The following SLC35F3 variants were observed in gnomAD, a reference collection of about 807,000 sequenced individuals.
SLC35F3 encodes solute carrier family 35 member F3.
Under a neutral mutation model 49.9 loss-of-function variants are expected in SLC35F3, and 25 were observed. The ratio of observed to expected loss-of-function variants is 0.50; its 90% confidence interval spans 0.37 to 0.70. The LOEUF (loss-of-function observed/expected upper bound fraction) is 0.70. Among genes scored for constraint, SLC35F3 ranks in the 30% least tolerant of loss-of-function variants. The pLI is 0.00. For missense variants in SLC35F3, 525 were observed against 639.8 expected (o/e 0.82, Z 1.94); for synonymous variants, 275 against 265.4 (o/e 1.04, Z -0.35).
chr1:234,026,163 T>G (rs1010153279), intron 2 of SLC35F3, among the ~76,000 whole-genome samples: 2 of 152,186 alleles, frequency 1.3e-5, no homozygotes, highest in Non-Finnish European at 2.9e-5. Flanking sequence ...ATGTGTCTAT[T>G]TTTGTACCAG....
At chr1:234,019,050 T>C (rs1377254945) in intron 2 of SLC35F3, among the ~76,000 whole-genome samples, 1 of 152,228 alleles carries the variant, frequency 6.6e-6, no homozygotes, top group South Asian at 2.1e-4. Flanking sequence ...TGGAAGCAGA[T>C]TGACTTGGCC....
intron 2 of SLC35F3, among the ~76,000 whole-genome samples, chr1:234,034,955 A>G (rs900980650): frequency 6.6e-6 from 1 of 152,030 alleles, no homozygotes; most frequent in Admixed American, 6.6e-5. Context: ...CTCTGCACCA[A>G]TTTTTTTTAA....
intron 2 of SLC35F3, among the ~76,000 whole-genome samples, chr1:234,007,767 GC>G (rs1663652353): frequency 6.6e-6 from 1 of 152,188 alleles, no homozygotes; most frequent in African/African-American, 2.4e-5. Flanking sequence ...TTTACTAACA[GC>G]CTTAAGATAA....
intron 2 of SLC35F3, among the ~76,000 whole-genome samples, chr1:233,972,835 A>G (rs1395845238): frequency 1.3e-5 from 2 of 152,204 alleles, no homozygotes; most frequent in African/African-American, 4.8e-5. Flanking sequence ...TATTTTAGAG[A>G]TGAGAAATGT....
In SLC35F3 at chr1:233,905,072, T is replaced by G; in HGVS notation, c.-6T>G. 1 of 1,562,072 alleles carries G rather than the reference T, an allele frequency of 6.4e-7. No individual in the cohort carries two copies. The highest frequency in any genetic ancestry group is 8.7e-7 in the Non-Finnish European group (1 of 1,151,910). On this transcript the variant is annotated 5_prime_UTR_variant, in exon 1 of 8. Transcript: ENST00000366618. ...GGGAGCTGCCGGTCCCACTCTGTCT[T>G]TGCCTATGGGGATTCGAGAGTTTCC...
At chr1:234,006,962 C>T (rs1396083026) in intron 2 of SLC35F3, among the ~76,000 whole-genome samples, 1 of 152,094 alleles carries the variant, frequency 6.6e-6, no homozygotes, top group Non-Finnish European at 1.5e-5. Context: ...TGTAAAGGAA[C>T]ATAGAGAAAA....
rs114452739 is a variant in SLC35F3, at chr1:234,084,672, C to T, written c.284-146745C>T. ...CCACTTCCAGACTCCTTTTAGCCCT[C>T]GCAACTCCAGGTGTTCTGCTCTATT... On this transcript the variant is annotated intron_variant, in intron 2 of 7. Coordinates refer to ENST00000366618, the MANE Select transcript of SLC35F3 (RefSeq NM_173508.4). Among the ~76,000 whole-genome samples, 938 of 152,252 alleles carry T rather than the reference C, an allele frequency of 6.2e-3. 9 individuals are homozygous for T. Among genetic ancestry groups the T allele is most frequent in the African/African-American group, 0.021 (872 of 41,536 alleles).
chr1:234,246,175 C>CA (rs1558272109), intron 3 of SLC35F3, among the ~76,000 whole-genome samples: 1 of 152,196 alleles, frequency 6.6e-6, no homozygotes, highest in Non-Finnish European at 1.5e-5. Context: ...GAAAGGCTGC[C>CA]AGTGGCAGAG....
At chr1:234,105,222 T>C (rs1665268203) in intron 2 of SLC35F3, among the ~76,000 whole-genome samples, 1 of 151,810 alleles carries the variant, frequency 6.6e-6, no homozygotes, top group South Asian at 2.1e-4. Flanking sequence ...AGGAATATTC[T>C]CCAATTCTCT....
intron 2 of SLC35F3, among the ~76,000 whole-genome samples, chr1:234,114,433 A>C (rs964798489): frequency 2.6e-5 from 4 of 152,214 alleles, no homozygotes; most frequent in African/African-American, 9.6e-5. Flanking sequence ...ATTTGTTTTT[A>C]ATTATAAACT....
At chr1:233,963,778 G>A (rs976395601) in intron 2 of SLC35F3, among the ~76,000 whole-genome samples, 2 of 152,226 alleles carry the variant, frequency 1.3e-5, no homozygotes, top group African/African-American at 4.8e-5. Context: ...ATCTAGAGCA[G>A]TGTCAGAGCA....
At chr1:233,955,463 C>G (rs78432269) in intron 2 of SLC35F3, among the ~76,000 whole-genome samples, 1,671 of 152,270 alleles carry the variant, frequency 0.011, 28 homozygotes, top group African/African-American at 0.036. Context: ...CATCCTCCTA[C>G]AACCTGCATA....
At chr1:233,907,611 A>C (rs918402657) in intron 2 of SLC35F3, among the ~76,000 whole-genome samples, 1 of 152,248 alleles carries the variant, frequency 6.6e-6, no homozygotes, top group African/African-American at 2.4e-5. Flanking sequence ...ATAACGCTTT[A>C]GGTGACAACT....
At chr1:234,026,181 C>A (rs1432468226) in intron 2 of SLC35F3, among the ~76,000 whole-genome samples, 4 of 152,078 alleles carry the variant, frequency 2.6e-5, no homozygotes, top group Admixed American at 2.6e-4. Flanking sequence ...CAGTACCATG[C>A]TGTTTTGGTT....
chr1:233,984,377 C>T lies in SLC35F3; in HGVS notation c.283+78619C>T, dbSNP rs540379566. Among the ~76,000 whole-genome samples the T allele has an allele frequency of 7.9e-5, 12 of 152,318 alleles. No homozygotes were observed. In the East Asian group the frequency reaches 1.5e-3, roughly 20 times the overall value. On this transcript the variant is annotated intron_variant, in intron 2 of 7. Coordinates refer to ENST00000366618, the MANE Select transcript of SLC35F3 (RefSeq NM_173508.4). ...GAAAGGAAGGTGTTTCTTTGCAAAG[C>T]GCCAAGCAAGGAGGACCAGGCAGCT...
intron 3 of SLC35F3, among the ~76,000 whole-genome samples, chr1:234,249,106 C>T (rs1221063287): frequency 6.6e-6 from 1 of 152,164 alleles, no homozygotes; most frequent in Non-Finnish European, 1.5e-5. Flanking sequence ...GCTAACTAAT[C>T]GTAAATGGAA....
chr1:234,192,493 A>T (rs537412232), intron 2 of SLC35F3, among the ~76,000 whole-genome samples: 1 of 152,308 alleles, frequency 6.6e-6, no homozygotes, highest in South Asian at 2.1e-4. Context: ...AGCCAACATA[A>T]TACTGAATGG....
chr1:234,166,004 T>A (rs1050371863), intron 2 of SLC35F3, among the ~76,000 whole-genome samples: 3 of 152,230 alleles, frequency 2.0e-5, no homozygotes, highest in Non-Finnish European at 4.4e-5. Flanking sequence ...TCCAGTTCCG[T>A]CCAAGTTGAT....
At chr1:234,270,642 C>T (rs1572126884) in intron 3 of SLC35F3, among the ~76,000 whole-genome samples, 1 of 152,370 alleles carries the variant, frequency 6.6e-6, no homozygotes, top group East Asian at 1.9e-4. Context: ...ATTGCACATT[C>T]TGGAGGTCCG....
Sources: allele counts gnomAD v4.1 joint callset (sites outside exome capture counted in the v4.1 genomes callset), GRCh38; gene constraint gnomAD v4.1.1; transcripts MANE v1.5; gene names NCBI Gene and HGNC (gene_info 2026-07-23, HGNC 2026-07-21).